Variants in KAZN observed in about 807,000 individuals in gnomAD.
KAZN encodes kazrin, periplakin interacting protein, also known as kazrin.
In KAZN, 40 loss-of-function variants were observed where a neutral mutation model predicts 87.4. That is an observed-to-expected ratio of 0.46 (90% CI 0.36 to 0.60). KAZN has a LOEUF of 0.60. KAZN is among the 20% of genes least tolerant of loss of function. KAZN has a pLI of 0.00. For synonymous variants in KAZN, 466 were observed against 458.3 expected (o/e 1.02, Z -0.22); for missense variants, 898 against 1,073.9 (o/e 0.84, Z 2.29).
chr1:14,110,104 A>C (rs1187136527), intron 1 of KAZN, among the ~76,000 whole-genome samples: 1 of 86,486 alleles, frequency 1.2e-5, no homozygotes, highest in Admixed American at 1.1e-4. Context: ...TATTCATTGC[A>C]TCAGTGGTGC....
chr1:14,897,868 G>C (rs1221659748), intron 1 of KAZN, among the ~76,000 whole-genome samples: 1 of 152,166 alleles, frequency 6.6e-6, no homozygotes, highest in South Asian at 2.1e-4. Flanking sequence ...ACTCAGAACC[G>C]CTTGCTGAAA....
At chr1:14,879,177 G>A (rs1653067387) in intron 1 of KAZN, among the ~76,000 whole-genome samples, 1 of 152,180 alleles carries the variant, frequency 6.6e-6, no homozygotes, top group African/African-American at 2.4e-5. Flanking sequence ...CCTGAGTGCT[G>A]ACCTTGTGCT....
rs190827270 is a variant in KAZN, at chr1:14,849,903, T to C, written c.227-110781T>C. On this transcript the variant is annotated intron_variant, in intron 1 of 14. Coordinates refer to ENST00000376030, the MANE Select transcript of KAZN (RefSeq NM_201628.3). ...CCACTAAATCAACTACTGCTTGCAA[T>C]AAAGAAAGGCACTTGGGTAGATTTT... 1.1e-3 allele frequency among the ~76,000 whole-genome samples: 169 copies of C among 150,904 alleles called. 1 individual carries two copies. In the South Asian group the frequency reaches 0.033, roughly 29 times the overall value.
At chr1:14,526,853 C>T (rs1474304814) in intron 2 of KAZN, among the ~76,000 whole-genome samples, 1 of 152,180 alleles carries the variant, frequency 6.6e-6, no homozygotes, top group African/African-American at 2.4e-5. Context: ...ACCTGTCACC[C>T]AGAAGCGATT....
At chr1:14,449,334 C>G (rs940872537) in intron 2 of KAZN, among the ~76,000 whole-genome samples, 1 of 152,146 alleles carries the variant, frequency 6.6e-6, no homozygotes, top group Non-Finnish European at 1.5e-5. Flanking sequence ...CTGGCCTTAT[C>G]CACCTCTACC....
intron 2 of KAZN, among the ~76,000 whole-genome samples, chr1:14,523,048 A>G (rs1671669587): frequency 1.3e-5 from 2 of 152,146 alleles, no homozygotes; most frequent in African/African-American, 4.8e-5. Flanking sequence ...ACTGGTTGCC[A>G]TGGAGACACT....
intron 2 of KAZN, among the ~76,000 whole-genome samples, chr1:14,536,271 C>T (rs909908904): frequency 4.6e-5 from 7 of 152,226 alleles, no homozygotes; most frequent in South Asian, 4.1e-4. Context: ...CATTTCCCTA[C>T]GTTTTTATGA....
At chr1:14,811,565 G>A (rs1335441755) in intron 1 of KAZN, among the ~76,000 whole-genome samples, 3 of 152,112 alleles carry the variant, frequency 2.0e-5, no homozygotes, top group African/African-American at 4.8e-5. Context: ...TTTACAGTTC[G>A]CAAAGATTTT....
intron 1 of KAZN, among the ~76,000 whole-genome samples, chr1:14,147,666 C>T (rs185550528): frequency 1.3e-5 from 2 of 151,966 alleles, no homozygotes; most frequent in African/African-American, 4.8e-5. Flanking sequence ...CATGGCGGCA[C>T]GCACCTGTAG....
chr1:14,929,863 C>T, intron 1 of KAZN: 1 of 985,434 alleles, frequency 1.0e-6, no homozygotes, highest in South Asian at 4.7e-5. Flanking sequence ...CTTGTGGCGG[C>T]TTCTATGAAG....
At chr1:13,997,809 C>G (rs919466446) in intron 1 of KAZN, among the ~76,000 whole-genome samples, 4 of 152,018 alleles carry the variant, frequency 2.6e-5, no homozygotes, top group Non-Finnish European at 5.9e-5. Flanking sequence ...GGATATTATC[C>G]AGGAGCACTT....
At chr1:14,156,679 G>A (rs1432549240) in intron 1 of KAZN, among the ~76,000 whole-genome samples, 2 of 151,892 alleles carry the variant, frequency 1.3e-5, no homozygotes, top group Non-Finnish European at 2.9e-5. Flanking sequence ...GGTTTCCGTC[G>A]GCATGAAATA....
At chr1:14,647,240 C>T (rs779673864) in intron 1 of KAZN, among the ~76,000 whole-genome samples, 2 of 152,032 alleles carry the variant, frequency 1.3e-5, no homozygotes, top group Non-Finnish European at 2.9e-5. Context: ...CAAAACAGCC[C>T]GCAGCCAATT....
At chr1:14,874,811 T>C (rs998201384) in intron 1 of KAZN, among the ~76,000 whole-genome samples, 1 of 152,056 alleles carries the variant, frequency 6.6e-6, no homozygotes, top group Non-Finnish European at 1.5e-5. Context: ...TGTTTCCCCT[T>C]TTAAGGTTTG....
chr1:14,103,900 G>A (rs1438899480), intron 1 of KAZN, among the ~76,000 whole-genome samples: 1 of 151,998 alleles, frequency 6.6e-6, no homozygotes, highest in East Asian at 1.9e-4. Flanking sequence ...CCCAAACCTA[G>A]AGATCAACAC....
Position 14,996,031 on chromosome 1 carries a change from C to T in KAZN, c.418+35156C>T, listed in dbSNP as rs979041569. ...CGGCTGCCCTATAAGACACCTAATG[C>T]CATCCTCAGCCCGCGGCCCTCTGTA... On this transcript the variant is annotated intron_variant, in intron 2 of 14. Coordinates refer to ENST00000376030, the MANE Select transcript of KAZN (RefSeq NM_201628.3). The surrounding 1 kb of genome is among the most constrained non-coding windows in gnomAD (Gnocchi z 5.9). Among the ~76,000 whole-genome samples, 2 of 152,176 alleles carry T rather than the reference C, an allele frequency of 1.3e-5. No homozygotes were observed. Among genetic ancestry groups the T allele is most frequent in the African/African-American group, 4.8e-5 (2 of 41,428 alleles).
intron 1 of KAZN, among the ~76,000 whole-genome samples, chr1:14,084,327 G>A (rs1010574196): frequency 1.3e-5 from 2 of 152,230 alleles, no homozygotes; most frequent in Non-Finnish European, 2.9e-5. Flanking sequence ...AGAAGAGCAT[G>A]AGTGCAGTTT....
intron 8 of KAZN, among the ~76,000 whole-genome samples, chr1:15,088,081 C>T (rs961005829): frequency 2.6e-5 from 4 of 152,208 alleles, no homozygotes; most frequent in African/African-American, 9.7e-5. Context: ...TCTATGTGGT[C>T]TTTTGCACCG....
At chr1:15,008,679 C>T (rs1669276515) in intron 2 of KAZN, among the ~76,000 whole-genome samples, 1 of 152,230 alleles carries the variant, frequency 6.6e-6, no homozygotes, top group African/African-American at 2.4e-5. Context: ...GTCTAAGGCT[C>T]TTTCTAGCTT....
Sources: gnomAD v4.1 joint callset for allele counts (sites outside exome capture counted in the v4.1 genomes callset) on GRCh38, gnomAD v4.1.1 for gene constraint, Gnocchi (gnomAD v3.1) non-coding constraint, MANE v1.5 for transcripts, NCBI Gene and HGNC (gene_info 2026-07-23, HGNC 2026-07-21) for gene names.